The following CLTC variants were observed in gnomAD, a reference collection of about 807,000 sequenced individuals.
CLTC encodes the protein clathrin heavy chain 1.
A neutral mutation model predicts 195.8 loss-of-function variants in CLTC; 16 were observed. That is an observed-to-expected ratio of 0.08 (90% CI 0.06 to 0.12). The LOEUF (loss-of-function observed/expected upper bound fraction) is 0.12, where lower values mean the gene tolerates loss of function less well. Ranked by LOEUF, CLTC falls within the 10% of genes least tolerant of loss-of-function variation. The pLI, the probability that CLTC is intolerant of heterozygous loss-of-function variation, is 1.00. For missense variants in CLTC, 796 were observed against 2,027.0 expected (o/e 0.39, Z 11.66); for synonymous variants, 667 against 689.4 (o/e 0.97, Z 0.51).
At chr17:59,632,425 A>G (rs1272440359) in intron 1 of CLTC, among the ~76,000 whole-genome samples, 4 of 151,890 alleles carry the variant, frequency 2.6e-5, no homozygotes, top group Non-Finnish European at 5.9e-5. Context: ...AGCTCTTTTC[A>G]ATGAAAGAAA....
intron 9 of CLTC, 64 bp from the exon 10 acceptor site, chr17:59,664,723 A>G (rs2032688947): frequency 6.4e-6 from 10 of 1,551,210 alleles, no homozygotes; most frequent in Non-Finnish European, 7.9e-6. Flanking sequence ...TATAGTAGAA[A>G]AAGTCTTTAA....
At chr17:59,664,514 G>GCAATC (rs2032680127) in intron 9 of CLTC, among the ~76,000 whole-genome samples, 1 of 143,038 alleles carries the variant, frequency 7.0e-6, no homozygotes, top group Admixed American at 7.3e-5. Flanking sequence ...TTGCACCTCT[G>GCAATC]CACTCCAGCT....
intron 2 of CLTC, chr17:59,645,944 T>C (rs911414691): frequency 2.0e-6 from 1 of 500,288 alleles, no homozygotes; most frequent in African/African-American, 2.1e-5. Flanking sequence ...ATTTTAATTT[T>C]GCCAAAATTC....
At chr17:59,653,193 T>A (rs1028021408) in intron 5 of CLTC, among the ~76,000 whole-genome samples, 3 of 141,492 alleles carry the variant, frequency 2.1e-5, no homozygotes, top group Admixed American at 2.1e-4. Context: ...ATTTATTTAT[T>A]TTATTTATTT....
In CLTC at chr17:59,660,625, A is replaced by G. The variant is rs764445843; in HGVS notation, c.1167+37A>G. 24 of 1,582,858 alleles carry G rather than the reference A, an allele frequency of 1.5e-5. No individual in the cohort carries two copies. The Admixed American group carries it at 2.0e-4, about 13-fold the overall frequency. On this transcript the variant is annotated intron_variant, in intron 7 of 31. Transcript: ENST00000269122. ...TGAAAATGAAGTTGTCATGACATTAATCCATTGTTAATATTCTGTTTCTTA... is the reference window on the plus strand; with the variant it reads ...TGAAAATGAAGTTGTCATGACATTAGTCCATTGTTAATATTCTGTTTCTTA...
rs2032980251 is a variant in CLTC, at chr17:59,676,951, T to C, written c.2562-3T>C. The stretch of plus-strand genomic sequence containing the variant: ...GTGTGAGGTTTTTTTCCTTTTTTCC[T>C]AGATTGAAACTGCTTCTGCCTTGGC... On this transcript the variant is annotated splice_polypyrimidine_tract_variant and splice_region_variant and intron_variant, in intron 16 of 31. Transcript: ENST00000269122. The C allele has an allele frequency of 1.2e-6, 2 of 1,612,552 alleles. No individual in the cohort carries two copies. The highest frequency in any genetic ancestry group is 1.3e-5 in the African/African-American group (1 of 74,804).
chr17:59,636,932 C>CTT (rs771908096), intron 1 of CLTC, among the ~76,000 whole-genome samples: 71 of 103,664 alleles, frequency 6.8e-4, no homozygotes, highest in African/African-American at 1.5e-3. Flanking sequence ...CCGGCTAATT[C>CTT]TTTTTTTTTT....
Position 59,693,974 on chromosome 17 carries a change from TTC to T in CLTC, c.*124_*125del. On this transcript the variant is annotated 3_prime_UTR_variant, in exon 32 of 32. Coordinates refer to ENST00000269122, the MANE Select transcript of CLTC (RefSeq NM_004859.4). ...TTGTAACCTTTATTTCATGAAGGAC[TTC>T]TTTTTGTTTCTAACTATAAACTTGG... 1.0e-6 allele frequency: 1 copy of T among 998,458 alleles called. No individual in the cohort carries two copies. 61.8% of individuals were successfully genotyped at this position (998,458 alleles called of 1,614,324 possible). A position where few individuals can be genotyped will look rare whatever the true frequency, so the allele number is the denominator to read the frequency against.
intron 14 of CLTC, among the ~76,000 whole-genome samples, chr17:59,672,783 C>A (rs981123429): frequency 6.6e-6 from 1 of 152,074 alleles, no homozygotes; most frequent in African/African-American, 2.4e-5. Context: ...AAATAATGTT[C>A]TTAGTGGCCA....
intron 16 of CLTC, among the ~76,000 whole-genome samples, chr17:59,675,424 C>A (rs1381912844): frequency 6.6e-6 from 1 of 152,032 alleles, no homozygotes; most frequent in East Asian, 1.9e-4. Context: ...TTAGGAAGTA[C>A]TGATGTAAAT....
intron 31 of CLTC, among the ~76,000 whole-genome samples, chr17:59,692,719 C>G (rs2033334567): frequency 6.6e-6 from 1 of 152,114 alleles, no homozygotes; most frequent in Non-Finnish European, 1.5e-5. Flanking sequence ...TCACTGCAAC[C>G]TTTGCCTCCT....
intron 1 of CLTC, among the ~76,000 whole-genome samples, chr17:59,641,928 T>C (rs146857368): frequency 1.3e-5 from 2 of 151,702 alleles, no homozygotes; most frequent in South Asian, 4.1e-4. Flanking sequence ...GCTCAAGTGA[T>C]CCTCTCATCT....
At chr17:59,625,097 C>G (rs1167963877) in intron 1 of CLTC, among the ~76,000 whole-genome samples, 1 of 151,514 alleles carries the variant, frequency 6.6e-6, no homozygotes, top group Non-Finnish European at 1.5e-5. Context: ...TTTTCTAAAT[C>G]TAGTGTGTGT....
Position 59,648,096 on chromosome 17 carries a change from CA to C in CLTC, c.520-141del, listed in dbSNP as rs1305536184. 2.6e-6 allele frequency: 2 copies of C among 771,176 alleles called. No homozygotes were observed. The highest frequency in any genetic ancestry group is 4.0e-6 in the Non-Finnish European group (2 of 496,986). The allele number at this position is 771,176 out of a possible 1,614,324, so 47.8% of individuals were successfully genotyped here. A position where few individuals can be genotyped will look rare whatever the true frequency, so the allele number is the denominator to read the frequency against. ...GGGCTGATTTTAAGTTAAGAAGTAT[CA>C]AATCTACAGTGAGAGATGAAGTGAC... On this transcript the variant is annotated intron_variant, in intron 3 of 31. Coordinates refer to ENST00000269122, the MANE Select transcript of CLTC (RefSeq NM_004859.4). This position sits in a 1 kb window ranked among gnomAD's most constrained non-coding sequence, Gnocchi z 4.5.
chr17:59,636,148 A>C (rs1374907475), intron 1 of CLTC, among the ~76,000 whole-genome samples: 1 of 151,938 alleles, frequency 6.6e-6, no homozygotes, highest in East Asian at 1.9e-4. Context: ...AAAAAAAAAA[A>C]CAGTCTATAT....
chr17:59,675,878 A>G (rs2032954538), intron 16 of CLTC, among the ~76,000 whole-genome samples: 1 of 152,240 alleles, frequency 6.6e-6, no homozygotes, highest in Non-Finnish European at 1.5e-5. Flanking sequence ...TTAAGTTGAC[A>G]TGGCGTATCT....
chr17:59,640,923 A>T (rs1272604838), intron 1 of CLTC, among the ~76,000 whole-genome samples: 1 of 151,950 alleles, frequency 6.6e-6, no homozygotes, highest in African/African-American at 2.4e-5. Flanking sequence ...GATCGAGACC[A>T]TTCTGGCCAA....
chr17:59,647,950 ATGATT>A (rs933878294), intron 3 of CLTC, among the ~76,000 whole-genome samples: 3 of 152,164 alleles, frequency 2.0e-5, no homozygotes, highest in African/African-American at 7.2e-5. Context: ...TTCTGTAAGA[ATGATT>A]TGGGATTTAT....
At chr17:59,684,400 C>G (rs935398105) in intron 28 of CLTC, 9 of 173,382 alleles carry the variant, frequency 5.2e-5, no homozygotes, top group Non-Finnish European at 9.8e-5. Flanking sequence ...TAGAGTTAAG[C>G]TTAAGCTACT....
Sources: gnomAD v4.1 joint callset for allele counts (sites outside exome capture counted in the v4.1 genomes callset) on GRCh38, gnomAD v4.1.1 for gene constraint, Gnocchi (gnomAD v3.1) non-coding constraint, MANE v1.5 for transcripts, NCBI Gene and HGNC (gene_info 2026-07-23, HGNC 2026-07-21) for gene names.